The following LRP1B variants were observed in gnomAD, a reference collection of about 807,000 sequenced individuals.
LRP1B encodes the protein LDL receptor related protein 1B.
A neutral mutation model predicts 556.6 loss-of-function variants in LRP1B; 217 were observed. The observed-to-expected ratio is 0.39, with a 90% CI of 0.35 to 0.44. LRP1B has a LOEUF of 0.44. Among genes scored for constraint, LRP1B ranks in the 20% least tolerant of loss-of-function variants. The probability of loss-of-function intolerance (pLI) is 1.00; values close to 1 mark genes in which losing one functional copy is unlikely to be tolerated. For missense variants in LRP1B, 5,053 were observed against 5,620.8 expected (o/e 0.90, Z 3.23); for synonymous variants, 2,047 against 1,865.8 (o/e 1.10, Z -2.50).
At chr2:141,080,538 T>C (rs764023252) in intron 7 of LRP1B, among the ~76,000 whole-genome samples, 7 of 152,236 alleles carry the variant, frequency 4.6e-5, no homozygotes, top group Non-Finnish European at 1.0e-4. Flanking sequence ...TGGTAGCATA[T>C]GCAAAAGTAG....
chr2:140,946,269 C>T (rs1046275624), intron 20 of LRP1B, among the ~76,000 whole-genome samples: 5 of 152,108 alleles, frequency 3.3e-5, no homozygotes, highest in African/African-American at 4.8e-5. Context: ...TAAATTAGTT[C>T]AGCCCCTGTG....
intron 7 of LRP1B, among the ~76,000 whole-genome samples, chr2:141,125,853 AAAAAAAAAC>A (rs1558878128): frequency 6.8e-6 from 1 of 147,648 alleles, no homozygotes; most frequent in African/African-American, 2.6e-5. Flanking sequence ...GCAAAAAAAA[AAAAAAAAAC>A]AAAAAACCTC....
chr2:141,095,262 A>G (rs1440084263), intron 7 of LRP1B, among the ~76,000 whole-genome samples: 1 of 150,944 alleles, frequency 6.6e-6, no homozygotes, highest in African/African-American at 2.4e-5. Flanking sequence ...CTCCCACCAT[A>G]AGAGAAAGAG....
At chr2:140,447,829 C>T (rs1010597427) in intron 63 of LRP1B, among the ~76,000 whole-genome samples, 1 of 151,894 alleles carries the variant, frequency 6.6e-6, no homozygotes, top group African/African-American at 2.4e-5. Context: ...ACTTAGAGAC[C>T]ATTGTGGGCT....
At chr2:141,343,492 T>C (rs1169168821) in intron 3 of LRP1B, among the ~76,000 whole-genome samples, 2 of 152,326 alleles carry the variant, frequency 1.3e-5, no homozygotes, top group South Asian at 2.1e-4. Context: ...CTAGATATTT[T>C]TGTGGGCCTG....
chr2:140,378,191 C>A lies in LRP1B; in HGVS notation c.10627G>T (p.Gly3543Cys). 1 of 1,611,814 alleles carries A rather than the reference C, an allele frequency of 6.2e-7. No individual in the cohort carries two copies. The highest frequency in any genetic ancestry group is 8.5e-7 in the Non-Finnish European group (1 of 1,178,092). The change falls in exon 68 of 91, where the codon GGC (glycine) becomes TGC (cysteine). Residue 3543 changes from glycine to cysteine, a missense_variant. By Grantham distance (159) the Gly-to-Cys change is radical. Coordinates refer to ENST00000389484, the MANE Select transcript of LRP1B (RefSeq NM_018557.3). The stretch of plus-strand genomic sequence containing the variant: ...ACAAAGATGCCTACCTCATCAGAGC[C>A]ATCTGCACAGTCAAAATCTCCATCA... ...WCDGDFDCAD[G>C]SDERNCETSC... is the part of the protein sequence containing the mutation.
rs2105003575 is a variant in LRP1B, at chr2:140,536,636, G to A, written c.7587C>T (p.Thr2529=). ...CTTTACAGTGAGGAATGCCATCACA[G>A]GTGAGCTGGTAGTCAATGCACTCAC... The part of the protein sequence containing the change: ...GNGECIDYQL[T]CDGIPHCKDK... Residue 2529 remains threonine (T), a synonymous_variant, in exon 46 of 91, where the codon ACC becomes ACT. Transcript: ENST00000389484. 2 of 1,611,500 alleles carry A rather than the reference G, an allele frequency of 1.2e-6. No homozygotes were observed. Among genetic ancestry groups the A allele is most frequent in the Non-Finnish European group, 1.7e-6 (2 of 1,178,774 alleles).
intron 1 of LRP1B, among the ~76,000 whole-genome samples, chr2:142,119,540 A>G (rs12988578): frequency 0.5 from 76,150 of 152,022 alleles, 19,344 homozygotes; most frequent in East Asian, 0.69. Context: ...AAAGCACCAA[A>G]AGAGAAAACA....
chr2:140,350,698 ATTAC>A (rs529228446), intron 77 of LRP1B, 95 bp downstream of exon 77: 13,529 of 980,850 alleles, frequency 0.014, 105 homozygotes, highest in Non-Finnish European at 0.017. Context: ...AATTGAATAT[ATTAC>A]TTAGTATAAT....
chr2:141,101,436 A>G (rs2104939716), intron 7 of LRP1B, among the ~76,000 whole-genome samples: 1 of 152,322 alleles, frequency 6.6e-6, no homozygotes, highest in Non-Finnish European at 1.5e-5. Flanking sequence ...ATGAAACTGT[A>G]GTTTTAGTTT....
At chr2:141,175,872 T>C (rs1490501240) in intron 7 of LRP1B, among the ~76,000 whole-genome samples, 1 of 152,136 alleles carries the variant, frequency 6.6e-6, no homozygotes, top group Non-Finnish European at 1.5e-5. Flanking sequence ...AGGGCAGAGC[T>C]GCCCAAGGCT....
intron 3 of LRP1B, among the ~76,000 whole-genome samples, chr2:141,281,911 A>C (rs190090019): frequency 1.3e-5 from 2 of 152,242 alleles, no homozygotes; most frequent in East Asian, 3.9e-4. Context: ...TAAAGTGATC[A>C]TAAGAACATT....
chr2:141,286,375 T>G (rs1174838983), intron 3 of LRP1B, among the ~76,000 whole-genome samples: 1 of 152,144 alleles, frequency 6.6e-6, no homozygotes, highest in Non-Finnish European at 1.5e-5. Context: ...GTGTAAAAAT[T>G]TTATGTCTAT....
chr2:141,157,084 AC>A (rs1490445056), intron 7 of LRP1B, among the ~76,000 whole-genome samples: 2 of 152,256 alleles, frequency 1.3e-5, no homozygotes, highest in African/African-American at 2.4e-5. Context: ...TATTAAAAAA[AC>A]GAAGATGTTT....
chr2:140,315,006 C>CCTGAATAACTGGGCCAACAGTG lies in LRP1B; in HGVS notation c.12712_12733dup (p.Gly4245AlafsTer12). ...ACAGTGGTTGACTTCACATCTTTCT[C>CCTGAATAACTGGGCCAACAGTG]CTGAATAACTGGGCCAACAGTGACA... On this transcript the variant is annotated frameshift_variant, in exon 83 of 91. Coordinates refer to ENST00000389484, the MANE Select transcript of LRP1B (RefSeq NM_018557.3). LOFTEE classifies it high-confidence loss of function. 2 of 1,611,934 alleles carry CCTGAATAACTGGGCCAACAGTG rather than the reference C, an allele frequency of 1.2e-6. No homozygotes were observed. The highest frequency in any genetic ancestry group is 1.7e-6 in the Non-Finnish European group (2 of 1,178,788).
intron 1 of LRP1B, among the ~76,000 whole-genome samples, chr2:141,998,731 C>G (rs1284078872): frequency 6.6e-6 from 1 of 152,146 alleles, no homozygotes; most frequent in African/African-American, 2.4e-5. Flanking sequence ...AAAGGTGGGA[C>G]AACCTGAAGG....
At chr2:141,983,891 T>C (rs930305354) in intron 1 of LRP1B, among the ~76,000 whole-genome samples, 6 of 152,030 alleles carry the variant, frequency 3.9e-5, no homozygotes, top group African/African-American at 1.4e-4. Flanking sequence ...TGAAACCCTG[T>C]CTCTACTAAA....
chr2:141,077,968 A>ATTTT (rs76152375), intron 7 of LRP1B, among the ~76,000 whole-genome samples: 1 of 143,078 alleles, frequency 7.0e-6, no homozygotes, highest in African/African-American at 2.6e-5. Flanking sequence ...TCAGGTAGGA[A>ATTTT]TTTTTTTTTT....
intron 7 of LRP1B, among the ~76,000 whole-genome samples, chr2:141,164,267 G>A (rs574015851): frequency 1.3e-5 from 2 of 151,856 alleles, no homozygotes; most frequent in African/African-American, 4.8e-5. Flanking sequence ...TTAGTGTCAG[G>A]TATAGGGATA....
Sources: allele counts gnomAD v4.1 joint callset (sites outside exome capture counted in the v4.1 genomes callset), GRCh38; gene constraint gnomAD v4.1.1; transcripts MANE v1.5; gene names NCBI Gene and HGNC (gene_info 2026-07-23, HGNC 2026-07-21).